Variants in ATP5MC2 observed in about 807,000 individuals in gnomAD.
ATP5MC2 encodes ATP synthase membrane subunit c locus 2, also known as ATP synthase F(0) complex subunit C2, mitochondrial.
ATP5MC2 carries 11 observed loss-of-function variants against 13.5 expected under a neutral mutation model. The ratio of observed to expected loss-of-function variants is 0.81; its 90% CI spans 0.51 to 1.35. ATP5MC2 has a LOEUF of 1.35. Among genes scored for constraint, ATP5MC2 ranks in the 40% most tolerant of loss-of-function variants. The pLI is 0.00. For synonymous variants in ATP5MC2, 64 were observed against 69.7 expected (o/e 0.92, Z 0.41); for missense variants, 132 against 175.0 (o/e 0.75, Z 1.39).
chr12:53,666,393 C>T lies in ATP5MC2; in HGVS notation c.312-965G>A, dbSNP rs182873203. 1.5e-3 allele frequency among the ~76,000 whole-genome samples: 234 copies of T among 152,036 alleles called. 1 individual carries two copies. Among genetic ancestry groups the T allele is most frequent in the African/African-American group, 5.6e-3 (231 of 41,478 alleles). Reference sequence around the variant, plus strand: ...GAAATCGAGACCATCCTAGCTAATACGGTGACACCCTGTCTCTACTAAAAA... The same window carrying T: ...GAAATCGAGACCATCCTAGCTAATATGGTGACACCCTGTCTCTACTAAAAA... On this transcript the variant is annotated intron_variant, in intron 4 of 4. Coordinates refer to ENST00000394349, the MANE Select transcript of ATP5MC2 (RefSeq NM_005176.7).
Position 53,672,585 on chromosome 12 carries a change from A to T in ATP5MC2, c.30T>A (p.Thr10=), listed in dbSNP as rs758494531. 2.3e-5 allele frequency: 37 copies of T among 1,579,996 alleles called. No homozygotes were observed. Among genetic ancestry groups the T allele is most frequent in the Non-Finnish European group, 3.0e-5 (35 of 1,162,640 alleles). MFACSKFVS[T]PSLVKSTSQL... ...AAAAGCAGGTACTCACCAAGGAGGG[A>T]GTGGAGACAAACTTGGAGCAGGCGA... is the stretch of plus-strand genomic sequence containing the variant. Residue 10 remains threonine, a synonymous_variant, in exon 2 of 5, where the codon ACT becomes ACA. Transcript: ENST00000394349.
intron 3 of ATP5MC2, 110 bp downstream of exon 3, chr12:53,669,761 G>A (rs1945038903): frequency 1.7e-6 from 2 of 1,183,690 alleles, no homozygotes; most frequent in Non-Finnish European, 2.5e-6. Context: ...GGCCATTCAT[G>A]AATTTTAGCC....
chr12:53,676,342 T>C (rs777526412), upstream of ATP5MC2: 17 of 1,220,896 alleles, frequency 1.4e-5, no homozygotes, highest in Non-Finnish European at 1.9e-5. Context: ...GTTTGGTCTG[T>C]ACCGCGTTTG....
Position 53,672,083 on chromosome 12 carries a change from C to CAAA in ATP5MC2, c.39+490_39+492dup, listed in dbSNP as rs916010110. Among the ~76,000 whole-genome samples the CAAA allele has an allele frequency of 1.5e-3, 69 of 47,164 alleles. 5 individuals are homozygous for CAAA. Among genetic ancestry groups the CAAA allele is most frequent in the African/African-American group, 2.9e-3 (32 of 10,944 alleles). The allele number at this position is 47,164 out of a possible 152,430, so 30.9% of individuals were successfully genotyped here. Reference sequence around the variant, plus strand: ...GGGCAACAAGAGCGAAACTCTGTCTCAAAAAAAAAAAAAAAAAAAAAATTA... The same window carrying CAAA: ...GGGCAACAAGAGCGAAACTCTGTCTCAAAAAAAAAAAAAAAAAAAAAAAAATTA... On this transcript the variant is annotated intron_variant, in intron 2 of 4. Coordinates refer to ENST00000394349, the MANE Select transcript of ATP5MC2 (RefSeq NM_005176.7).
intron 2 of ATP5MC2, among the ~76,000 whole-genome samples, chr12:53,671,859 C>G (rs1409671099): frequency 6.6e-6 from 1 of 151,970 alleles, no homozygotes; most frequent in Non-Finnish European, 1.5e-5. Context: ...TGGAGAAACC[C>G]TGTCTCTACT....
chr12:53,667,994 T>TATATATATATATATATATAA (rs1219187071), intron 4 of ATP5MC2, among the ~76,000 whole-genome samples: 1 of 88,240 alleles, frequency 1.1e-5, no homozygotes, highest in African/African-American at 4.5e-5. Flanking sequence ...TATATATATA[T>TATATATATATATATATATAA]AAATTTTTTT....
At chr12:53,679,238 CGAGAGAGAGAGA>C (rs59340879), upstream of ATP5MC2, among the ~76,000 whole-genome samples, 151 of 127,764 alleles carry the variant, frequency 1.2e-3, no homozygotes, top group African/African-American at 3.7e-3. Context: ...ATTTTAAAAA[CGAGAGAGAGAGA>C]GAGAGAGAGA....
chr12:53,675,525 C>T (rs1321826727), intron 1 of ATP5MC2, among the ~76,000 whole-genome samples: 2 of 152,166 alleles, frequency 1.3e-5, no homozygotes, highest in African/African-American at 4.8e-5. Context: ...CTTTTTTTCC[C>T]ACTTCTACCA....
chr12:53,677,609 G>A (rs1215317593), upstream of ATP5MC2, among the ~76,000 whole-genome samples: 1 of 152,196 alleles, frequency 6.6e-6, no homozygotes, highest in Non-Finnish European at 1.5e-5. Context: ...AGAGGAGGGT[G>A]GTAGACTGCC....
At chr12:53,677,187 C>T (rs1945298281), upstream of ATP5MC2, 2 of 153,122 alleles carry the variant, frequency 1.3e-5, no homozygotes, top group African/African-American at 4.8e-5. Flanking sequence ...TCCCGCCGCC[C>T]CCTCCCGGCT....
At position 53,668,933 on chromosome 12, in the gene ATP5MC2, C is replaced by T. The variant is rs376255938; in HGVS notation, c.311+215G>A. On this transcript the variant is annotated intron_variant, in intron 4 of 4. Transcript: ENST00000394349. ...ACTTGGGAGGCTGAGGCACAAGAAT[C>T]GCTTGAACCCAGAGGTAGAGGTGAC... Among the ~76,000 whole-genome samples the T allele has an allele frequency of 6.0e-3, 918 of 152,122 alleles. 6 individuals are homozygous for T. The highest frequency in any genetic ancestry group is 0.041 in the South Asian group (195 of 4,814).
upstream of ATP5MC2, among the ~76,000 whole-genome samples, chr12:53,680,832 C>T (rs548639175): frequency 4.6e-5 from 7 of 152,242 alleles, no homozygotes; most frequent in South Asian, 1.2e-3. Context: ...CAAAGCAAAA[C>T]AACTTTTCCA....
At position 53,667,948 on chromosome 12, in the gene ATP5MC2, T is replaced by TAC. The variant is rs1224099084; in HGVS notation, c.311+1198_311+1199dup. On this transcript the variant is annotated intron_variant, in intron 4 of 4. Coordinates refer to ENST00000394349, the MANE Select transcript of ATP5MC2 (RefSeq NM_005176.7). ...ATAAACATTCTAATACATACATACA[T>TAC]ACACACACATATATATATATATATA... Among the ~76,000 whole-genome samples the TAC allele has an allele frequency of 5.9e-3, 295 of 50,334 alleles. 7 individuals carry two copies. The highest frequency in any genetic ancestry group is 9.1e-3 in the South Asian group (12 of 1,318). 33.0% of individuals were successfully genotyped at this position (50,334 alleles called of 152,430 possible). A position where few individuals can be genotyped will look rare whatever the true frequency, so the allele number is the denominator to read the frequency against.
upstream of ATP5MC2, among the ~76,000 whole-genome samples, chr12:53,679,889 G>T (rs1423683075): frequency 6.6e-6 from 1 of 152,260 alleles, no homozygotes; most frequent in Non-Finnish European, 1.5e-5. Flanking sequence ...CCAGGCTTCT[G>T]AGGGAGGAAT....
At chr12:53,670,224 TA>T (rs1945056831) in intron 2 of ATP5MC2, 1 of 436,860 alleles carries the variant, frequency 2.3e-6, no homozygotes, top group Admixed American at 3.1e-5. Flanking sequence ...TATATCCTTT[TA>T]TAGCTCTTGA....
At chr12:53,671,737 A>T (rs961388126) in intron 2 of ATP5MC2, among the ~76,000 whole-genome samples, 1 of 152,192 alleles carries the variant, frequency 6.6e-6, no homozygotes, top group African/African-American at 2.4e-5. Flanking sequence ...CTGGGTAAGA[A>T]TTAACTGGGC....
At chr12:53,676,090 A>T, upstream of ATP5MC2, 1 of 1,614,268 alleles carries the variant, frequency 6.2e-7, no homozygotes, top group Non-Finnish European at 8.5e-7. Context: ...GGGGCGGAGC[A>T]GCGGGAAGAG....
intron 1 of ATP5MC2, among the ~76,000 whole-genome samples, chr12:53,675,694 G>A (rs1945241610): frequency 6.6e-6 from 1 of 152,214 alleles, no homozygotes; most frequent in Non-Finnish European, 1.5e-5. Flanking sequence ...AGAAGAGAAA[G>A]CAGAGATAGG....
At chr12:53,678,789 G>C (rs1444723971), upstream of ATP5MC2, among the ~76,000 whole-genome samples, 1 of 152,150 alleles carries the variant, frequency 6.6e-6, no homozygotes, top group Admixed American at 6.5e-5. Context: ...AGGGAAAACC[G>C]GGGTCCAGGA....
Sources: gnomAD v4.1 joint callset for allele counts (sites outside exome capture counted in the v4.1 genomes callset) on GRCh38, gnomAD v4.1.1 for gene constraint, MANE v1.5 for transcripts, NCBI Gene and HGNC (gene_info 2026-07-23, HGNC 2026-07-21) for gene names.